The following PTPRT variants were observed in gnomAD, a reference collection of about 807,000 sequenced individuals.
The protein encoded by PTPRT is receptor-type tyrosine-protein phosphatase T.
PTPRT carries 56 observed loss-of-function variants against 176.8 expected under a neutral mutation model. The ratio of observed to expected loss-of-function variants is 0.32; its 90% CI spans 0.26 to 0.40. The LOEUF is 0.40. Among genes scored for constraint, PTPRT ranks in the 10% least tolerant of loss-of-function variants. The pLI is 1.00. For missense variants in PTPRT, 1,540 were observed against 1,908.2 expected, an observed-to-expected ratio of 0.81 and a Z score of 3.60; for synonymous variants, 783 against 739.0, an observed-to-expected ratio of 1.06 and a Z score of -0.96.
At chr20:43,133,454 T>G (rs990920785) in intron 1 of PTPRT, among the ~76,000 whole-genome samples, 6 of 152,126 alleles carry the variant, frequency 3.9e-5, no homozygotes, top group South Asian at 2.1e-4. Context: ...GTTAAAAGCA[T>G]TAGAGTGCTG....
At chr20:42,855,429 C>CTT (rs555034551) in intron 2 of PTPRT, among the ~76,000 whole-genome samples, 1,665 of 115,562 alleles carry the variant, frequency 0.014, 86 homozygotes, top group African/African-American at 0.055. Context: ...TATGTTCATG[C>CTT]TTTTTTTTTT....
chr20:42,718,545 T>A (rs540556780), intron 6 of PTPRT, among the ~76,000 whole-genome samples: 1 of 152,028 alleles, frequency 6.6e-6, no homozygotes, highest in South Asian at 2.1e-4. Context: ...TTAAAAAAAA[T>A]AAATTAAAAA....
At chr20:43,128,042 T>C (rs1423160616) in intron 1 of PTPRT, among the ~76,000 whole-genome samples, 1 of 152,210 alleles carries the variant, frequency 6.6e-6, no homozygotes, top group Non-Finnish European at 1.5e-5. Flanking sequence ...CTTTCCATAG[T>C]AGCGGTTATG....
At chr20:42,583,362 G>GGGT (rs1410665523) in intron 7 of PTPRT, among the ~76,000 whole-genome samples, 1 of 152,130 alleles carries the variant, frequency 6.6e-6, no homozygotes, top group African/African-American at 2.4e-5. Context: ...TAACTGTCAG[G>GGGT]GGTTAAACTT....
intron 1 of PTPRT, among the ~76,000 whole-genome samples, chr20:43,051,625 TAAAAAAAA>T (rs35885799): frequency 5.7e-4 from 52 of 91,954 alleles, no homozygotes; most frequent in African/African-American, 1.3e-3. Context: ...TCTGTAACTG[TAAAAAAAA>T]AAAAAAAAAA....
chr20:43,022,075 G>A (rs1985706959), intron 1 of PTPRT, among the ~76,000 whole-genome samples: 1 of 152,202 alleles, frequency 6.6e-6, no homozygotes, highest in South Asian at 2.1e-4. Context: ...GAACTCCATC[G>A]TGTGGTCACT....
intron 5 of PTPRT, among the ~76,000 whole-genome samples, chr20:42,759,647 G>C (rs1056307036): frequency 1.3e-5 from 2 of 152,228 alleles, no homozygotes; most frequent in African/African-American, 4.8e-5. Flanking sequence ...AATTCCGTCA[G>C]ATAAGGCCCT....
chr20:42,937,152 C>T lies in PTPRT; in HGVS notation c.89-51220G>A, dbSNP rs139281894. On this transcript the variant is annotated intron_variant, in intron 1 of 30. Coordinates refer to ENST00000373187, the MANE Select transcript of PTPRT (RefSeq NM_007050.6). ...TAACTCAAGTCTTGCTATATAGGCA[C>T]ATCATAAAACTATTCCAAGAGGATA... Among the ~76,000 whole-genome samples, 288 of 152,326 alleles carry T rather than the reference C, an allele frequency of 1.9e-3. 1 individual carries two copies. The highest frequency in any genetic ancestry group is 6.5e-3 in the African/African-American group (271 of 41,568).
At chr20:43,133,059 A>G (rs1414833019) in intron 1 of PTPRT, among the ~76,000 whole-genome samples, 1 of 152,168 alleles carries the variant, frequency 6.6e-6, no homozygotes, top group Non-Finnish European at 1.5e-5. Context: ...TAGTTTAAAT[A>G]CAGGTGCTTG....
At chr20:42,287,184 CA>C (rs1796954678) in intron 12 of PTPRT, among the ~76,000 whole-genome samples, 1 of 151,708 alleles carries the variant, frequency 6.6e-6, no homozygotes, top group South Asian at 2.1e-4. Context: ...AGAGGTTCCT[CA>C]AAAAAACTAT....
intron 9 of PTPRT, among the ~76,000 whole-genome samples, chr20:42,400,270 T>A (rs948540375): frequency 6.6e-6 from 1 of 152,040 alleles, no homozygotes; most frequent in Admixed American, 6.6e-5. Context: ...TCCATATGAC[T>A]TTTTTTTCAT....
intron 1 of PTPRT, among the ~76,000 whole-genome samples, chr20:43,083,902 CT>C (rs2011534346): frequency 6.6e-6 from 1 of 152,172 alleles, no homozygotes; most frequent in African/African-American, 2.4e-5. Flanking sequence ...AAGATGTGGT[CT>C]TTTCTGACTT....
chr20:42,681,679 C>T (rs912501181), intron 6 of PTPRT, among the ~76,000 whole-genome samples: 6 of 152,188 alleles, frequency 3.9e-5, no homozygotes, highest in Admixed American at 2.6e-4. Flanking sequence ...TGGAGCTCCC[C>T]TTCCAGCCTT....
intron 17 of PTPRT, among the ~76,000 whole-genome samples, chr20:42,148,965 C>T (rs909828435): frequency 1.3e-5 from 2 of 152,178 alleles, no homozygotes; most frequent in Admixed American, 1.3e-4. Flanking sequence ...CTCCTTAGGG[C>T]CTCTTTCAAA....
intron 1 of PTPRT, among the ~76,000 whole-genome samples, chr20:43,091,068 T>C (rs1379425269): frequency 6.6e-6 from 1 of 152,058 alleles, no homozygotes; most frequent in Non-Finnish European, 1.5e-5. Context: ...CCATCTCTAC[T>C]AAAAATACAA....
intron 2 of PTPRT, among the ~76,000 whole-genome samples, chr20:42,794,578 G>C (rs544086258): frequency 6.6e-6 from 1 of 152,310 alleles, no homozygotes; most frequent in Non-Finnish European, 1.5e-5. Context: ...CATAAAAGAA[G>C]CCAGGTTCCC....
At chr20:43,007,159 T>C (rs35069072) in intron 1 of PTPRT, among the ~76,000 whole-genome samples, 1 of 152,028 alleles carries the variant, frequency 6.6e-6, no homozygotes, top group Non-Finnish European at 1.5e-5. Flanking sequence ...TCATCACTTA[T>C]GTAGAAAATA....
intron 12 of PTPRT, among the ~76,000 whole-genome samples, chr20:42,301,876 TTGA>T (rs1464803918): frequency 6.6e-6 from 1 of 152,144 alleles, no homozygotes; most frequent in Non-Finnish European, 1.5e-5. Flanking sequence ...TGACGATGGG[TTGA>T]TGATCATTGT....
At chr20:42,476,158 G>C (rs6102850) in intron 7 of PTPRT, among the ~76,000 whole-genome samples, 1 of 152,322 alleles carries the variant, frequency 6.6e-6, no homozygotes, top group Non-Finnish European at 1.5e-5. Context: ...GCTAACAGTA[G>C]GTACTCCTTT....
Sources: allele counts gnomAD v4.1 joint callset (sites outside exome capture counted in the v4.1 genomes callset), GRCh38; gene constraint gnomAD v4.1.1; transcripts MANE v1.5; gene names NCBI Gene and HGNC (gene_info 2026-07-23, HGNC 2026-07-21).